CELF2: variants seen among roughly 807,000 people sequenced by gnomAD.
The protein encoded by CELF2 is CUGBP Elav-like family member 2.
A neutral mutation model predicts 62.6 loss-of-function variants in CELF2; 8 were observed. The observed-to-expected ratio is 0.13, with a 90% CI of 0.07 to 0.23. The LOEUF is 0.23. CELF2 is among the 10% of genes least tolerant of loss of function. The pLI is 1.00. For synonymous variants in CELF2, 258 were observed against 250.0 expected, an observed-to-expected ratio of 1.03 and a Z score of -0.30; for missense variants, 333 against 671.0, an observed-to-expected ratio of 0.50 and a Z score of 5.56.
At chr10:11,048,293 C>G (rs1276271705) in intron 1 of CELF2, among the ~76,000 whole-genome samples, 2 of 151,992 alleles carry the variant, frequency 1.3e-5, no homozygotes, top group Non-Finnish European at 2.9e-5. Context: ...CCTTTTTTTC[C>G]CCCTTTGCAT....
upstream of CELF2, among the ~76,000 whole-genome samples, chr10:11,015,887 GAA>G (rs1421803664): frequency 6.6e-6 from 1 of 152,172 alleles, no homozygotes; most frequent in Non-Finnish European, 1.5e-5. This position sits in a 1 kb window ranked among gnomAD's most constrained non-coding sequence, Gnocchi z 4.8. Flanking sequence ...AAGTATTTCA[GAA>G]GCGTACATGT....
chr10:11,080,876 T>C (rs78456570), intron 1 of CELF2, among the ~76,000 whole-genome samples: 1,623 of 152,314 alleles, frequency 0.011, 33 homozygotes, highest in African/African-American at 0.037. Context: ...GTCATTAGAA[T>C]TAAGTTGAGC....
chr10:10,977,885 G>A (rs1232261239), intron 2 of CELF2, among the ~76,000 whole-genome samples: 1 of 152,048 alleles, frequency 6.6e-6, no homozygotes, highest in African/African-American at 2.4e-5. Flanking sequence ...CCATCTCCTG[G>A]GATTGTTTTG....
chr10:11,246,212 A>G lies in CELF2; in HGVS notation c.355-2941A>G, dbSNP rs2075559494. Among the ~76,000 whole-genome samples, 1 of 152,056 alleles carries G rather than the reference A, an allele frequency of 6.6e-6. No individual in the cohort carries two copies. Among genetic ancestry groups the G allele is most frequent in the African/African-American group, 2.4e-5 (1 of 41,384 alleles). ...CGTATCGACCGCCATGATAGACTGC[A>G]CACTCCCTGTGGGCAGGAGCCATGT... On this transcript the variant is annotated intron_variant, in intron 3 of 12. Coordinates refer to ENST00000633077, the MANE Select transcript of CELF2 (RefSeq NM_001326342.2). The surrounding 1 kb of genome is among the most constrained non-coding windows in gnomAD (Gnocchi z 4.6).
At chr10:11,083,900 G>A (rs547850194) in intron 1 of CELF2, among the ~76,000 whole-genome samples, 9 of 152,162 alleles carry the variant, frequency 5.9e-5, no homozygotes, top group Admixed American at 1.3e-4. Flanking sequence ...TACTGACCAC[G>A]TCTTCACTCT....
intron 8 of CELF2, among the ~76,000 whole-genome samples, chr10:11,278,134 G>C (rs1265540924): frequency 6.6e-6 from 1 of 152,178 alleles, no homozygotes; most frequent in Non-Finnish European, 1.5e-5. Context: ...AGAAATTTTA[G>C]ACGACTGGAT....
chr10:11,018,061 C>G lies in CELF2; in HGVS notation c.-29C>G, dbSNP rs369902773. ...CTCGGACGCGCGCAGAGCCGCCCCC[C>G]GCCGCTGCCGCCGCGTGCGCCCGCG... On this transcript the variant is annotated 5_prime_UTR_variant, in exon 1 of 13. Transcript: ENST00000633077. 31 of 1,409,786 alleles carry G rather than the reference C, an allele frequency of 2.2e-5. No homozygotes were observed. The highest frequency in any genetic ancestry group is 2.8e-5 in the Non-Finnish European group (30 of 1,062,708). 87.3% of individuals were successfully genotyped at this position (1,409,786 alleles called of 1,614,324 possible).
intron 3 of CELF2, among the ~76,000 whole-genome samples, chr10:11,233,212 T>C (rs111739871): frequency 6.2e-4 from 95 of 152,132 alleles, no homozygotes; most frequent in Non-Finnish European, 1.1e-3. Flanking sequence ...AGAGGCTGGA[T>C]TGGAGCAGAG....
intron 1 of CELF2, among the ~76,000 whole-genome samples, chr10:11,070,938 G>C (rs1236330852): frequency 6.6e-6 from 1 of 152,162 alleles, no homozygotes. Context: ...AGGTTGGATT[G>C]GAACTAGCCA....
At chr10:11,045,379 A>C (rs1397351615) in intron 1 of CELF2, among the ~76,000 whole-genome samples, 2 of 152,198 alleles carry the variant, frequency 1.3e-5, no homozygotes, top group Admixed American at 1.3e-4. Context: ...CTAGGATTAC[A>C]GGAGTGAGCC....
chr10:10,966,559 A>C (rs995170908), intron 2 of CELF2: 2 of 152,146 alleles, frequency 1.3e-5, no homozygotes, highest in African/African-American at 2.4e-5. Context: ...CTTTTTTATG[A>C]AGATTTGCAA....
At position 11,293,753 on chromosome 10, in the gene CELF2, G is replaced by A. The variant is rs182147449; in HGVS notation, c.976+5201G>A. On this transcript the variant is annotated intron_variant, in intron 9 of 12. Coordinates refer to ENST00000633077, the MANE Select transcript of CELF2 (RefSeq NM_001326342.2). Reference sequence around the variant, plus strand: ...TGTTATTTACTCATAATTCCCCCTTGCATCTGGAGCAGCACATCAGACACA... The same window carrying A: ...TGTTATTTACTCATAATTCCCCCTTACATCTGGAGCAGCACATCAGACACA... Among the ~76,000 whole-genome samples the A allele has an allele frequency of 1.5e-3, 225 of 152,162 alleles. 1 individual carries two copies. Among genetic ancestry groups the A allele is most frequent in the African/African-American group, 5.3e-3 (221 of 41,518 alleles).
chr10:11,324,252 G>A lies in CELF2; in HGVS notation c.1295-1584G>A, dbSNP rs2095609090. On this transcript the variant is annotated intron_variant, in intron 11 of 12. Transcript: ENST00000633077. The surrounding 1 kb of genome is among the most constrained non-coding windows in gnomAD (Gnocchi z 4.7). ...GAGATGTACTTCACAGTTCAAACTGGGGCCCAATAACTCTCATTTGTGCAT... is the reference window on the plus strand; with the variant it reads ...GAGATGTACTTCACAGTTCAAACTGAGGCCCAATAACTCTCATTTGTGCAT... Among the ~76,000 whole-genome samples, 1 of 152,102 alleles carries A rather than the reference G, an allele frequency of 6.6e-6. No homozygotes were observed. The highest frequency in any genetic ancestry group is 2.4e-5 in the African/African-American group (1 of 41,398).
chr10:10,984,330 C>T (rs1012817551), intron 2 of CELF2, among the ~76,000 whole-genome samples: 4 of 152,172 alleles, frequency 2.6e-5, no homozygotes, highest in African/African-American at 7.2e-5. Flanking sequence ...GCGAGCAATG[C>T]AGGCTGCCAA....
chr10:10,846,224 A>G (rs1366487997), intron 1 of CELF2: 2 of 441,330 alleles, frequency 4.5e-6, no homozygotes, highest in African/African-American at 4.3e-5. Context: ...TATATACGAT[A>G]TGGCCTCCTC....
At chr10:10,541,075 C>G in the CELF2 span, among the ~76,000 whole-genome samples, 4 of 151,810 alleles carry the variant, frequency 2.6e-5, no homozygotes, top group African/African-American at 9.7e-5. Context: ...AACCCCGTCT[C>G]TACTAAAAAT....
chr10:11,207,710 G>A lies in CELF2; in HGVS notation c.272-9715G>A, dbSNP rs1445645912. 6.6e-6 allele frequency among the ~76,000 whole-genome samples: 1 copy of A among 152,218 alleles called. No homozygotes were observed. Among genetic ancestry groups the A allele is most frequent in the Non-Finnish European group, 1.5e-5 (1 of 68,040 alleles). On this transcript the variant is annotated intron_variant, in intron 2 of 12. Transcript: ENST00000633077. This position sits in a 1 kb window ranked among gnomAD's most constrained non-coding sequence, Gnocchi z 4.1. ...ATACGGAAGGCCCGATGGCAGCATCGCCCGTCAGCTTCCTAGGCAGTGGCC... is the reference window on the plus strand; with the variant it reads ...ATACGGAAGGCCCGATGGCAGCATCACCCGTCAGCTTCCTAGGCAGTGGCC...
At chr10:10,872,226 T>C (rs1158716674) in intron 1 of CELF2, among the ~76,000 whole-genome samples, 2 of 152,208 alleles carry the variant, frequency 1.3e-5, no homozygotes, top group Admixed American at 6.5e-5. Flanking sequence ...GTTGCTATGA[T>C]TGTATCCCTA....
At chr10:10,494,194 A>C in the CELF2 span, among the ~76,000 whole-genome samples, 2 of 152,184 alleles carry the variant, frequency 1.3e-5, no homozygotes, top group East Asian at 3.9e-4. Flanking sequence ...TGCAGGAATC[A>C]CTCTCTCTCC....
Sources: gnomAD v4.1 joint callset for allele counts (sites outside exome capture counted in the v4.1 genomes callset) on GRCh38, gnomAD v4.1.1 for gene constraint, Gnocchi (gnomAD v3.1) non-coding constraint, MANE v1.5 for transcripts, NCBI Gene and HGNC (gene_info 2026-07-23, HGNC 2026-07-21) for gene names.